The following RAB38 variants were observed in gnomAD, a reference collection of about 807,000 sequenced individuals.
The protein encoded by RAB38 is ras-related protein Rab-38.
A neutral mutation model predicts 18.4 loss-of-function variants in RAB38; 15 were observed. The observed-to-expected ratio is 0.82, with a 90% CI of 0.55 to 1.26. RAB38 has a LOEUF of 1.26. RAB38 is among the 50% of genes most tolerant of loss of function. The pLI, the probability that RAB38 is intolerant of heterozygous loss-of-function variation, is 0.00. For missense variants in RAB38, 294 were observed against 267.4 expected, an observed-to-expected ratio of 1.10 and a Z score of -0.69; for synonymous variants, 101 against 104.4, an observed-to-expected ratio of 0.97 and a Z score of 0.20.
the RAB38 span, among the ~76,000 whole-genome samples, chr11:87,845,387 A>G: frequency 1.3e-5 from 2 of 152,172 alleles, no homozygotes; most frequent in Non-Finnish European, 2.9e-5. Flanking sequence ...GAAAAACTCA[A>G]CAAGAAATAA....
chr11:88,022,317 T>TA, the RAB38 span, among the ~76,000 whole-genome samples: 1 of 142,040 alleles, frequency 7.0e-6, no homozygotes, highest in Non-Finnish European at 1.5e-5. Flanking sequence ...AAAAAAACCC[T>TA]CAAAAAAAAA....
the RAB38 span, among the ~76,000 whole-genome samples, chr11:87,940,142 G>C: frequency 6.9e-6 from 1 of 143,942 alleles, no homozygotes; most frequent in Non-Finnish European, 1.5e-5. Flanking sequence ...AGGAAAGAAA[G>C]ATTGGACATT....
At chr11:88,109,400 C>T (rs1942443394), downstream of RAB38, among the ~76,000 whole-genome samples, 1 of 152,104 alleles carries the variant, frequency 6.6e-6, no homozygotes, top group Non-Finnish European at 1.5e-5. Context: ...AAATGTAAGA[C>T]CTAAAACCAT....
At chr11:87,818,194 G>A in the RAB38 span, among the ~76,000 whole-genome samples, 1 of 152,134 alleles carries the variant, frequency 6.6e-6, no homozygotes, top group Non-Finnish European at 1.5e-5. Context: ...AAAATTCCTA[G>A]CTGGTGATGC....
chr11:88,018,330 T>C, the RAB38 span, among the ~76,000 whole-genome samples: 24,507 of 152,128 alleles, frequency 0.16, 3,402 homozygotes, highest in African/African-American at 0.36. Context: ...TTCTCTAGCA[T>C]TGTCCACCCT....
downstream of RAB38, among the ~76,000 whole-genome samples, chr11:88,112,700 G>A (rs139905607): frequency 0.017 from 2,557 of 152,162 alleles, 71 homozygotes; most frequent in African/African-American, 0.059. Context: ...CTTGAACCCA[G>A]GAGGTGGAAG....
chr11:88,045,353 C>T, the RAB38 span, among the ~76,000 whole-genome samples: 7 of 152,210 alleles, frequency 4.6e-5, no homozygotes, highest in African/African-American at 1.7e-4. Flanking sequence ...CAATTCCTTG[C>T]CTCCACTGTG....
the RAB38 span, among the ~76,000 whole-genome samples, chr11:87,938,977 T>C: frequency 6.6e-6 from 1 of 152,078 alleles, no homozygotes; most frequent in Non-Finnish European, 1.5e-5. Context: ...TCCTTCATTG[T>C]TTTTTTAACG....
the RAB38 span, among the ~76,000 whole-genome samples, chr11:87,835,764 C>T: frequency 5.9e-5 from 9 of 152,160 alleles, no homozygotes; most frequent in African/African-American, 2.2e-4. Context: ...CCTCTGCCAA[C>T]ACCTTTATCT....
chr11:87,887,265 C>T, the RAB38 span, among the ~76,000 whole-genome samples: 1 of 151,984 alleles, frequency 6.6e-6, no homozygotes, highest in Non-Finnish European at 1.5e-5. Flanking sequence ...TGCCTGACCT[C>T]ACTGTGCTGT....
the RAB38 span, among the ~76,000 whole-genome samples, chr11:88,004,082 A>T: frequency 1.4e-5 from 2 of 144,828 alleles, no homozygotes; most frequent in African/African-American, 5.0e-5. Context: ...AAAGAAAGAA[A>T]ATCAGGTCCT....
the RAB38 span, among the ~76,000 whole-genome samples, chr11:87,903,954 T>C: frequency 4.6e-5 from 7 of 151,710 alleles, no homozygotes; most frequent in Non-Finnish European, 8.9e-5. Flanking sequence ...ATTATTTCAC[T>C]AATATTTTCA....
chr11:88,107,191 G>A, the RAB38 span, among the ~76,000 whole-genome samples: 2 of 151,978 alleles, frequency 1.3e-5, no homozygotes, highest in African/African-American at 4.8e-5. Context: ...GTGGATTTTA[G>A]TATATTCATG....
the RAB38 span, among the ~76,000 whole-genome samples, chr11:87,945,721 G>A: frequency 6.6e-6 from 1 of 152,156 alleles, no homozygotes; most frequent in East Asian, 1.9e-4. Flanking sequence ...AATGGTGGCA[G>A]AAAGAAACAG....
At chr11:88,064,885 A>C in the RAB38 span, among the ~76,000 whole-genome samples, 1 of 152,312 alleles carries the variant, frequency 6.6e-6, no homozygotes, top group South Asian at 2.1e-4. Flanking sequence ...ATTCCTTAGG[A>C]AATAAACAGT....
the RAB38 span, among the ~76,000 whole-genome samples, chr11:88,035,891 T>C: frequency 6.6e-6 from 1 of 152,138 alleles, no homozygotes; most frequent in African/African-American, 2.4e-5. Context: ...TCATGGCTCC[T>C]TAAATCCTGT....
chr11:87,940,268 A>G, the RAB38 span, among the ~76,000 whole-genome samples: 1 of 152,026 alleles, frequency 6.6e-6, no homozygotes. Flanking sequence ...ATAAATTGTG[A>G]CATGGTCTTA....
chr11:87,880,121 T>C, the RAB38 span: 1 of 151,802 alleles, frequency 6.6e-6, no homozygotes, highest in East Asian at 2.0e-4. Flanking sequence ...CCTATCCGTA[T>C]TTTCTATACT....
chr11:87,842,810 GCGCGCGCACACA>G, the RAB38 span, among the ~76,000 whole-genome samples: 2 of 69,460 alleles, frequency 2.9e-5, no homozygotes, highest in African/African-American at 6.5e-5. Context: ...ACACACACAC[GCGCGCGCACACA>G]CACACACACA....
Sources: allele counts gnomAD v4.1 joint callset (sites outside exome capture counted in the v4.1 genomes callset), GRCh38; gene constraint gnomAD v4.1.1; transcripts MANE v1.5; gene names NCBI Gene and HGNC (gene_info 2026-07-23, HGNC 2026-07-21).